Variants in PITPNC1 observed in about 807,000 individuals in gnomAD.
PITPNC1 encodes cytoplasmic phosphatidylinositol transfer protein 1.
PITPNC1 carries 18 observed loss-of-function variants against 44.7 expected under a neutral mutation model. The observed-to-expected ratio is 0.40, with a 90% CI of 0.28 to 0.60. The LOEUF is 0.60. Ranked by LOEUF, PITPNC1 falls within the 20% of genes least tolerant of loss-of-function variation. The pLI is 0.39. For missense variants in PITPNC1, 290 were observed against 418.4 expected (o/e 0.69, Z 2.68); for synonymous variants, 141 against 149.6 (o/e 0.94, Z 0.42).
At chr17:67,674,893 T>G (rs566254699) in intron 7 of PITPNC1, among the ~76,000 whole-genome samples, 7 of 151,946 alleles carry the variant, frequency 4.6e-5, no homozygotes, top group Admixed American at 2.6e-4. Flanking sequence ...ACGCCTGTAG[T>G]CCCAGCTACT....
intron 6 of PITPNC1, among the ~76,000 whole-genome samples, chr17:67,655,121 C>T (rs1219752704): frequency 6.6e-6 from 1 of 152,124 alleles, no homozygotes; most frequent in East Asian, 1.9e-4. Context: ...TTTACAATTC[C>T]AGAGGCTGGC....
At chr17:67,474,746 C>T (rs1482642199) in intron 1 of PITPNC1, among the ~76,000 whole-genome samples, 1 of 152,114 alleles carries the variant, frequency 6.6e-6, no homozygotes, top group Non-Finnish European at 1.5e-5. Flanking sequence ...CCTTGACCTC[C>T]CGGGCTCAAA....
chr17:67,378,970 T>A (rs1485626759), intron 1 of PITPNC1: 3 of 985,154 alleles, frequency 3.0e-6, no homozygotes. Context: ...GGGCTCGTCC[T>A]CCAAGCGCGG....
intron 4 of PITPNC1, among the ~76,000 whole-genome samples, chr17:67,566,005 G>T (rs550190813): frequency 6.6e-6 from 1 of 151,960 alleles, no homozygotes; most frequent in Admixed American, 6.6e-5. Flanking sequence ...TACAAAAATG[G>T]GGCTATCCTG....
chr17:67,604,556 G>C (rs1248987056), intron 5 of PITPNC1, among the ~76,000 whole-genome samples: 1 of 152,126 alleles, frequency 6.6e-6, no homozygotes, highest in Admixed American at 6.5e-5. Context: ...GCCCAGGCGG[G>C]TGGATAGCTT....
intron 4 of PITPNC1, among the ~76,000 whole-genome samples, chr17:67,571,375 C>T (rs907225249): frequency 2.6e-5 from 4 of 152,088 alleles, no homozygotes; most frequent in South Asian, 2.1e-4. Flanking sequence ...AAGGCTGCGG[C>T]GAGCTGAGCT....
chr17:67,432,046 G>C (rs534137258), intron 1 of PITPNC1, among the ~76,000 whole-genome samples: 1 of 152,182 alleles, frequency 6.6e-6, no homozygotes, highest in Non-Finnish European at 1.5e-5. Flanking sequence ...GGGTGTTCCT[G>C]ATAAGAAAGG....
chr17:67,463,659 G>C (rs894334143), intron 1 of PITPNC1, among the ~76,000 whole-genome samples: 7 of 152,154 alleles, frequency 4.6e-5, no homozygotes, highest in African/African-American at 1.7e-4. Context: ...CAGCACCTTG[G>C]GAGGCTGAGG....
chr17:67,419,321 G>C (rs1362213390), intron 1 of PITPNC1, among the ~76,000 whole-genome samples: 1 of 152,166 alleles, frequency 6.6e-6, no homozygotes, highest in African/African-American at 2.4e-5. Context: ...ACAGATTCTA[G>C]AAGTTTCCTA....
rs567476715 is a variant in PITPNC1 at position 67,388,641 on chromosome 17, A to G, written c.48+10439A>G. 3.1e-3 allele frequency among the ~76,000 whole-genome samples: 453 copies of G among 143,864 alleles called. 2 individuals carry two copies. The highest frequency in any genetic ancestry group is 0.011 in the African/African-American group (433 of 38,294). 94.4% of individuals were successfully genotyped at this position (143,864 alleles called of 152,430 possible). On this transcript the variant is annotated intron_variant, in intron 1 of 8. Coordinates refer to ENST00000581322, the MANE Select transcript of PITPNC1 (RefSeq NM_012417.4). ...GGCCTCTTTTGTTTTTTACTCTGAG[A>G]CATAGTCTTGCTCTGTCACCCAGGC...
At chr17:67,640,193 G>T (rs1428047116) in intron 6 of PITPNC1, among the ~76,000 whole-genome samples, 1 of 152,072 alleles carries the variant, frequency 6.6e-6, no homozygotes, top group African/African-American at 2.4e-5. Flanking sequence ...AAAATAAGAG[G>T]ACTTGATGAC....
chr17:67,539,200 C>T (rs2040570286), intron 2 of PITPNC1, among the ~76,000 whole-genome samples: 1 of 152,190 alleles, frequency 6.6e-6, no homozygotes, highest in Non-Finnish European at 1.5e-5. Context: ...AAATAACTCA[C>T]TTCCAATGCT....
At chr17:67,469,675 T>G (rs2039485926) in intron 1 of PITPNC1, among the ~76,000 whole-genome samples, 1 of 152,096 alleles carries the variant, frequency 6.6e-6, no homozygotes, top group South Asian at 2.1e-4. Flanking sequence ...GCTCAGAGAT[T>G]CCACTTGAGT....
chr17:67,604,511 G>A (rs897888157), intron 5 of PITPNC1, among the ~76,000 whole-genome samples: 1 of 152,200 alleles, frequency 6.6e-6, no homozygotes, highest in African/African-American at 2.4e-5. Context: ...GGCCAGGCAC[G>A]GTCACTCACG....
At chr17:67,607,353 C>T (rs139286925) in intron 5 of PITPNC1, among the ~76,000 whole-genome samples, 8 of 152,306 alleles carry the variant, frequency 5.3e-5, no homozygotes, top group Non-Finnish European at 8.8e-5. Context: ...AGGTGAGCTT[C>T]GGGACTGCCC....
At chr17:67,601,587 C>CA (rs1035780041) in intron 5 of PITPNC1, among the ~76,000 whole-genome samples, 36 of 147,042 alleles carry the variant, frequency 2.4e-4, no homozygotes, top group African/African-American at 3.7e-4. Flanking sequence ...CCCATCTCTA[C>CA]AAAAAAAAAA....
Position 67,552,450 on chromosome 17 carries a change from A to C in PITPNC1, c.286+105A>C, listed in dbSNP as rs1158900439. ...GATTATCCAAGCAGGGCCTTGTGGGAGCCCCGTAGTATCCCTCTTTTTTTT... is the reference window on the plus strand; with the variant it reads ...GATTATCCAAGCAGGGCCTTGTGGGCGCCCCGTAGTATCCCTCTTTTTTTT... On this transcript the variant is annotated intron_variant, in intron 3 of 8. Coordinates refer to ENST00000581322, the MANE Select transcript of PITPNC1 (RefSeq NM_012417.4). 8.5e-6 allele frequency: 6 copies of C among 709,478 alleles called. No homozygotes were observed. The East Asian group carries it at 1.5e-4, about 18-fold the overall frequency. 43.9% of individuals were successfully genotyped at this position (709,478 alleles called of 1,614,324 possible). A position where few individuals can be genotyped will look rare whatever the true frequency, so the allele number is the denominator to read the frequency against.
At chr17:67,650,449 T>C (rs965855105) in intron 6 of PITPNC1, among the ~76,000 whole-genome samples, 1 of 139,264 alleles carries the variant, frequency 7.2e-6, no homozygotes, top group Non-Finnish European at 1.5e-5. Flanking sequence ...GGCTTTTTTT[T>C]TTTTTTTTTT....
intron 1 of PITPNC1, among the ~76,000 whole-genome samples, chr17:67,393,388 A>C (rs1388495309): frequency 6.8e-6 from 1 of 147,476 alleles, no homozygotes; most frequent in Non-Finnish European, 1.5e-5. Flanking sequence ...GAATTTGACT[A>C]CTCTAGGTAT....
Sources: allele counts gnomAD v4.1 joint callset (sites outside exome capture counted in the v4.1 genomes callset), GRCh38; gene constraint gnomAD v4.1.1; transcripts MANE v1.5; gene names NCBI Gene and HGNC (gene_info 2026-07-23, HGNC 2026-07-21).